The following LRCH3 variants were observed in gnomAD, a reference collection of about 807,000 sequenced individuals.
The protein encoded by LRCH3 is leucine rich repeats and calponin homology domain containing 3, also known as DISP complex protein LRCH3.
A neutral mutation model predicts 104.5 loss-of-function variants in LRCH3; 68 were observed. That is an observed-to-expected ratio of 0.65 (90% CI 0.54 to 0.80). The LOEUF (loss-of-function observed/expected upper bound fraction) is 0.80. Among genes scored for constraint, LRCH3 ranks in the 30% least tolerant of loss-of-function variants. The pLI, the probability that LRCH3 is intolerant of heterozygous loss-of-function variation, is 0.00. For missense variants in LRCH3, 951 were observed against 953.9 expected, an observed-to-expected ratio of 1.00 and a Z score of 0.04; for synonymous variants, 344 against 361.3, an observed-to-expected ratio of 0.95 and a Z score of 0.54.
At chr3:197,879,601 A>G (rs928243108) in intron 20 of LRCH3, among the ~76,000 whole-genome samples, 2 of 152,036 alleles carry the variant, frequency 1.3e-5, no homozygotes, top group Non-Finnish European at 2.9e-5. Flanking sequence ...AGCCGAGATC[A>G]GCGAGACTCC....
Position 197,791,556 on chromosome 3 carries a change from GGC to G in LRCH3, c.262+18_262+19del, listed in dbSNP as rs1208582792. 1.9e-6 allele frequency: 3 copies of G among 1,543,182 alleles called. No individual in the cohort carries two copies. ...ACCCGGGCGGGTGAGCGGGGCGGGG[GGC>G]GTCTCTGCCCGTCGGAGACCCGGCG... On this transcript the variant is annotated intron_variant, in intron 1 of 20. Transcript: ENST00000425562.
intron 1 of LRCH3, among the ~76,000 whole-genome samples, chr3:197,801,374 A>G (rs1731878407): frequency 1.3e-5 from 2 of 152,294 alleles, no homozygotes; most frequent in Middle Eastern, 3.4e-3. Flanking sequence ...TTTCTGAAGT[A>G]TTGGAAATAC....
intron 10 of LRCH3, among the ~76,000 whole-genome samples, chr3:197,840,824 A>G (rs1737700589): frequency 6.6e-6 from 1 of 152,202 alleles, no homozygotes; most frequent in African/African-American, 2.4e-5. Flanking sequence ...ATGTCTTTTC[A>G]GTTGCCACGT....
chr3:197,860,884 TC>T (rs1740797374), intron 15 of LRCH3, among the ~76,000 whole-genome samples: 2 of 151,896 alleles, frequency 1.3e-5, no homozygotes, highest in South Asian at 4.2e-4. Context: ...CCCATTTCCT[TC>T]CCCCACCCTC....
intron 17 of LRCH3, among the ~76,000 whole-genome samples, chr3:197,869,211 A>G (rs895379087): frequency 1.2e-4 from 18 of 146,310 alleles, no homozygotes; most frequent in East Asian, 8.4e-4. Context: ...ACCTGCAGGA[A>G]GTAGAAAGCG....
At chr3:197,845,880 G>A (rs1738606574) in intron 10 of LRCH3, among the ~76,000 whole-genome samples, 1 of 152,160 alleles carries the variant, frequency 6.6e-6, no homozygotes, top group Non-Finnish European at 1.5e-5. Flanking sequence ...CTCCAGCCTG[G>A]GTGACAGGGC....
At chr3:197,872,186 G>A (rs567182582) in intron 19 of LRCH3, among the ~76,000 whole-genome samples, 117 of 150,796 alleles carry the variant, frequency 7.8e-4, no homozygotes, top group African/African-American at 2.7e-3. Context: ...GCAAAACCCC[G>A]TCTCTACCAA....
At position 197,856,251 on chromosome 3, in the gene LRCH3, G is replaced by A. The variant is rs1311010608; in HGVS notation, c.1644+1806G>A. Among the ~76,000 whole-genome samples, 3 of 152,122 alleles carry A rather than the reference G, an allele frequency of 2.0e-5. No homozygotes were observed. The highest frequency in any genetic ancestry group is 7.2e-5 in the African/African-American group (3 of 41,438). ...CCTTAAATCAGCCCACAGTTTGACA[G>A]TTAAATAAACTGACAGGAGCTCCAG... On this transcript the variant is annotated intron_variant, in intron 14 of 20. Coordinates refer to ENST00000425562, the MANE Select transcript of LRCH3 (RefSeq NM_001365715.1). The surrounding 1 kb of genome is among the most constrained non-coding windows in gnomAD (Gnocchi z 4.2).
chr3:197,826,842 T>C, intron 4 of LRCH3, 36 bp from the exon 5 acceptor site: 1 of 1,613,040 alleles, frequency 6.2e-7, no homozygotes, highest in Non-Finnish European at 8.5e-7. Flanking sequence ...TTGTAAAACA[T>C]CATTAATTGT....
intron 5 of LRCH3, among the ~76,000 whole-genome samples, chr3:197,828,401 AGT>A (rs1374297368): frequency 3.9e-5 from 6 of 152,020 alleles, no homozygotes. Flanking sequence ...GCTGGAGTGC[AGT>A]GGCGCGATCT....
chr3:197,880,749 C>T (rs1713688037), intron 20 of LRCH3: 1 of 1,536,042 alleles, frequency 6.5e-7, no homozygotes, highest in African/African-American at 1.4e-5. Context: ...TGCCTCATTC[C>T]TGTGCTTGGT....
At chr3:197,811,929 A>G (rs1733168159) in intron 1 of LRCH3, among the ~76,000 whole-genome samples, 2 of 152,234 alleles carry the variant, frequency 1.3e-5, no homozygotes, top group African/African-American at 4.8e-5. Flanking sequence ...AGAAAAGTCC[A>G]TAATTTTAGA....
At chr3:197,838,893 C>T (rs1737348120) in intron 9 of LRCH3, among the ~76,000 whole-genome samples, 1 of 152,106 alleles carries the variant, frequency 6.6e-6, no homozygotes. Flanking sequence ...GAAATGTAAC[C>T]TGCCCAGTGA....
At chr3:197,834,923 C>CACAA (rs1358148029) in intron 8 of LRCH3, among the ~76,000 whole-genome samples, 4 of 152,118 alleles carry the variant, frequency 2.6e-5, no homozygotes, top group African/African-American at 9.7e-5. Flanking sequence ...GTGGGCGGAT[C>CACAA]GCTTGAGCCC....
chr3:197,814,209 CACTT>C (rs1032852437), intron 1 of LRCH3, among the ~76,000 whole-genome samples: 3 of 152,126 alleles, frequency 2.0e-5, no homozygotes, highest in African/African-American at 4.8e-5. Context: ...AGGCAAAAGG[CACTT>C]ACTTACACGG....
At chr3:197,794,720 T>C (rs1055753064) in intron 1 of LRCH3, among the ~76,000 whole-genome samples, 4 of 152,168 alleles carry the variant, frequency 2.6e-5, no homozygotes, top group Non-Finnish European at 5.9e-5. Flanking sequence ...GAAAGGTTAA[T>C]CTGGCTGGGC....
At chr3:197,826,457 T>G (rs1221286744) in intron 4 of LRCH3, among the ~76,000 whole-genome samples, 3 of 152,350 alleles carry the variant, frequency 2.0e-5, no homozygotes, top group Non-Finnish European at 4.4e-5. Context: ...GCATTTTTGA[T>G]TCAATTTCAC....
chr3:197,841,608 A>G (rs574952463), intron 10 of LRCH3, among the ~76,000 whole-genome samples: 15 of 152,184 alleles, frequency 9.9e-5, no homozygotes, highest in Non-Finnish European at 1.9e-4. Context: ...GTGGAAGCCA[A>G]AAGTCTGCCT....
At chr3:197,795,350 C>G (rs991644680) in intron 1 of LRCH3, among the ~76,000 whole-genome samples, 4 of 152,138 alleles carry the variant, frequency 2.6e-5, no homozygotes, top group Admixed American at 2.0e-4. Flanking sequence ...TGACTCAGGC[C>G]TAGCTAATGG....
Sources: allele counts gnomAD v4.1 joint callset (sites outside exome capture counted in the v4.1 genomes callset), GRCh38; gene constraint gnomAD v4.1.1; non-coding constraint Gnocchi (gnomAD v3.1); transcripts MANE v1.5; gene names NCBI Gene and HGNC (gene_info 2026-07-23, HGNC 2026-07-21).